ZNF804B: variants seen among roughly 807,000 people sequenced by gnomAD.
The protein encoded by ZNF804B is zinc finger protein 804B.
ZNF804B carries 80 observed loss-of-function variants against 101.4 expected under a neutral mutation model. The observed-to-expected ratio is 0.79, with a 90% CI of 0.66 to 0.95. ZNF804B has a LOEUF of 0.95. Ranked by LOEUF, ZNF804B falls within the 40% of genes least tolerant of loss-of-function variation. The pLI is 0.00. For missense variants in ZNF804B, 1,673 were observed against 1,561.9 expected, an observed-to-expected ratio of 1.07 and a Z score of -1.20; for synonymous variants, 622 against 558.8, an observed-to-expected ratio of 1.11 and a Z score of -1.59.
intron 1 of ZNF804B, among the ~76,000 whole-genome samples, chr7:88,943,230 A>G (rs1198476082): frequency 6.6e-6 from 1 of 151,940 alleles, no homozygotes; most frequent in African/African-American, 2.4e-5. Flanking sequence ...TGTATTAATA[A>G]TTGAAGTTGG....
At chr7:89,312,124 C>G (rs1790656982) in intron 2 of ZNF804B, among the ~76,000 whole-genome samples, 1 of 152,120 alleles carries the variant, frequency 6.6e-6, no homozygotes, top group Non-Finnish European at 1.5e-5. Flanking sequence ...ATATGCCACT[C>G]CCTCAGCCAG....
At chr7:89,307,061 A>C (rs1461160418) in intron 2 of ZNF804B, among the ~76,000 whole-genome samples, 3 of 152,020 alleles carry the variant, frequency 2.0e-5, no homozygotes, top group African/African-American at 7.2e-5. Context: ...TCATACACTC[A>C]ATGATACTAG....
At chr7:89,183,140 A>AG (rs1788323203) in intron 1 of ZNF804B, among the ~76,000 whole-genome samples, 1 of 152,120 alleles carries the variant, frequency 6.6e-6, no homozygotes, top group Admixed American at 6.6e-5. Flanking sequence ...TGGCAATAGG[A>AG]GGATAGCATT....
intron 1 of ZNF804B, among the ~76,000 whole-genome samples, chr7:89,162,214 G>A (rs991210005): frequency 2.0e-5 from 3 of 152,026 alleles, no homozygotes; most frequent in Non-Finnish European, 4.4e-5. Context: ...CATCTCCCTA[G>A]CCCACTTTCT....
At chr7:88,832,124 T>C (rs1044664738) in intron 1 of ZNF804B, among the ~76,000 whole-genome samples, 1 of 151,740 alleles carries the variant, frequency 6.6e-6, no homozygotes, top group Non-Finnish European at 1.5e-5. Flanking sequence ...ATATGCATTC[T>C]GTAGAAGCCA....
At chr7:88,802,425 C>T (rs770363262) in intron 1 of ZNF804B, among the ~76,000 whole-genome samples, 1 of 152,028 alleles carries the variant, frequency 6.6e-6, no homozygotes, top group Non-Finnish European at 1.5e-5. Flanking sequence ...AATTGTCACA[C>T]TGCTGGCACA....
intron 1 of ZNF804B, among the ~76,000 whole-genome samples, chr7:89,137,634 A>C (rs1031897400): frequency 3.9e-5 from 6 of 152,120 alleles, no homozygotes; most frequent in African/African-American, 1.4e-4. Flanking sequence ...ATTCAGTTTT[A>C]AAAGTTTTAA....
intron 1 of ZNF804B, among the ~76,000 whole-genome samples, chr7:88,857,822 C>CTTTTTTTTTTTTTTTTTTTTTTT (rs55841922): frequency 1.2e-5 from 1 of 81,472 alleles, no homozygotes; most frequent in African/African-American, 5.3e-5. Flanking sequence ...CCTTTCTTTT[C>CTTTTTTTTTTTTTTTTTTTTTTT]TTTTTTTTTT....
At position 88,759,878 on chromosome 7, in the gene ZNF804B, G is replaced by A. The variant is rs1316911526; in HGVS notation, c.-99G>A. 6 of 943,588 alleles carry A rather than the reference G, an allele frequency of 6.4e-6. No homozygotes were observed. In the African/African-American group the frequency reaches 9.8e-5, roughly 15 times the overall value. The allele number at this position is 943,588 out of a possible 1,614,324, so 58.5% of individuals were successfully genotyped here. A position where few individuals can be genotyped will look rare whatever the true frequency, so the allele number is the denominator to read the frequency against. ...TGCGTCCTGCTGGCCGCGTCTTCTCGGGAGGTGGTAGTCGCTGTTGCCGCT... is the reference window on the plus strand; with the variant it reads ...TGCGTCCTGCTGGCCGCGTCTTCTCAGGAGGTGGTAGTCGCTGTTGCCGCT... On this transcript the variant is annotated 5_prime_UTR_variant, in exon 1 of 4. Coordinates refer to ENST00000333190, the MANE Select transcript of ZNF804B (RefSeq NM_181646.5).
At chr7:88,764,621 A>C (rs562072151) in intron 1 of ZNF804B, among the ~76,000 whole-genome samples, 2 of 152,314 alleles carry the variant, frequency 1.3e-5, no homozygotes, top group Admixed American at 1.3e-4. Context: ...CCTTGAAGAT[A>C]CATCCATCCA....
intron 2 of ZNF804B, among the ~76,000 whole-genome samples, chr7:89,231,391 C>T (rs1039938520): frequency 6.6e-6 from 1 of 151,994 alleles, no homozygotes; most frequent in Non-Finnish European, 1.5e-5. Context: ...TATGAGTTCT[C>T]CAAATTTGCT....
chr7:89,335,379 T>C lies in ZNF804B; in HGVS notation c.2397T>C (p.Arg799=), dbSNP rs186429248. The change falls in exon 4 of 4, where the codon CGT becomes CGC. Residue 799 remains arginine (R), a synonymous_variant. Transcript: ENST00000333190. ...ESFKNEKYSK[R]RYCHCRERQK... is the part of the protein sequence containing the mutation. The stretch of plus-strand genomic sequence containing the variant: ...TTAAAAATGAAAAATACTCAAAACG[T>C]AGATATTGTCACTGCAGAGAAAGAC... 3.5e-5 allele frequency: 56 copies of C among 1,613,730 alleles called. No individual in the cohort carries two copies. The Admixed American group carries it at 6.7e-4, about 19-fold the overall frequency.
At chr7:89,114,974 T>C (rs1790286228) in intron 1 of ZNF804B, among the ~76,000 whole-genome samples, 1 of 152,216 alleles carries the variant, frequency 6.6e-6, no homozygotes, top group African/African-American at 2.4e-5. Context: ...AAGTATTTTT[T>C]TTCTGTCTTC....
intron 1 of ZNF804B, among the ~76,000 whole-genome samples, chr7:89,038,193 C>T (rs1788958390): frequency 6.6e-6 from 1 of 152,092 alleles, no homozygotes; most frequent in Admixed American, 6.6e-5. Context: ...TAGATGTATC[C>T]TCAGAAGTGG....
At position 89,057,944 on chromosome 7, in the gene ZNF804B, AG is replaced by A. The variant is rs778196088; in HGVS notation, c.109-160210del. Reference sequence around the variant, plus strand: ...CAAAAACTAATCTAGAAAATGACACAGATTAAGTGTGCAAGTAAAGAGAACA... The same window carrying A: ...CAAAAACTAATCTAGAAAATGACACAATTAAGTGTGCAAGTAAAGAGAACA... On this transcript the variant is annotated intron_variant, in intron 1 of 3. Coordinates refer to ENST00000333190, the MANE Select transcript of ZNF804B (RefSeq NM_181646.5). Among the ~76,000 whole-genome samples the A allele has an allele frequency of 2.6e-4, 39 of 152,248 alleles. No homozygotes were observed. The Middle Eastern group carries it at 0.02, about 80-fold the overall frequency.
chr7:89,228,347 T>G (rs1283943667), intron 2 of ZNF804B, among the ~76,000 whole-genome samples: 1 of 151,978 alleles, frequency 6.6e-6, no homozygotes, highest in Non-Finnish European at 1.5e-5. Flanking sequence ...CTGCTTTTAT[T>G]CTCTTATCTG....
intron 3 of ZNF804B, among the ~76,000 whole-genome samples, chr7:89,329,210 T>C (rs1402130277): frequency 6.6e-6 from 1 of 151,720 alleles, no homozygotes; most frequent in East Asian, 1.9e-4. Context: ...CGTATTGTTA[T>C]GGAAAAGACA....
chr7:88,836,584 G>A (rs1400429823), intron 1 of ZNF804B, among the ~76,000 whole-genome samples: 1 of 151,864 alleles, frequency 6.6e-6, no homozygotes, highest in Non-Finnish European at 1.5e-5. Flanking sequence ...ACCCTTTAGA[G>A]GGCATAATAC....
intron 1 of ZNF804B, among the ~76,000 whole-genome samples, chr7:88,845,081 AC>A (rs1791348780): frequency 1.3e-5 from 2 of 152,168 alleles, no homozygotes; most frequent in African/African-American, 4.8e-5. Flanking sequence ...TGGAAAACTT[AC>A]AAAGGGAGAC....
Sources: allele counts gnomAD v4.1 joint callset (sites outside exome capture counted in the v4.1 genomes callset), GRCh38; gene constraint gnomAD v4.1.1; transcripts MANE v1.5; gene names NCBI Gene and HGNC (gene_info 2026-07-23, HGNC 2026-07-21).